AMPD3: variants seen among roughly 807,000 people sequenced by gnomAD.
AMPD3 encodes the protein AMP deaminase 3.
AMPD3 carries 57 observed loss-of-function variants against 82.3 expected under a neutral mutation model. The ratio of observed to expected loss-of-function variants is 0.69; its 90% CI spans 0.56 to 0.86. AMPD3 has a LOEUF of 0.86. AMPD3 is among the 40% of genes least tolerant of loss of function. The pLI is 0.00. For missense variants in AMPD3, 870 were observed against 1,003.8 expected, an observed-to-expected ratio of 0.87 and a Z score of 1.80; for synonymous variants, 381 against 394.7, an observed-to-expected ratio of 0.97 and a Z score of 0.41.
chr11:10,493,029 C>G (rs149413257), intron 6 of AMPD3, among the ~76,000 whole-genome samples: 2 of 152,286 alleles, frequency 1.3e-5, no homozygotes, highest in Non-Finnish European at 2.9e-5. Flanking sequence ...CCTTGAATCT[C>G]AGGCCAAGGT....
chr11:10,504,373 T>A, intron 13 of AMPD3, 176 bp from the exon 14 acceptor site: 3 of 464,146 alleles, frequency 6.5e-6, no homozygotes, highest in Non-Finnish European at 8.5e-6. Flanking sequence ...TGATAACCCA[T>A]GATTTTACAG....
chr11:10,496,659 G>A (rs1849410263), intron 9 of AMPD3, 153 bp from the exon 10 acceptor site: 2 of 1,463,500 alleles, frequency 1.4e-6, no homozygotes, highest in Non-Finnish European at 1.9e-6. Context: ...GGGAGAGGAG[G>A]ACAGAGGAGG....
chr11:10,472,293 G>A (rs756937538), intron 2 of AMPD3, among the ~76,000 whole-genome samples: 1 of 152,058 alleles, frequency 6.6e-6, no homozygotes, highest in South Asian at 2.1e-4. Flanking sequence ...GGGCCTGTTG[G>A]GGGGTGAGGG....
At chr11:10,486,791 G>A (rs367719009) in intron 5 of AMPD3, 3 of 985,200 alleles carry the variant, frequency 3.0e-6, no homozygotes, top group South Asian at 4.7e-5. Flanking sequence ...AAGTGGCTGA[G>A]GATAGAAAAG....
At chr11:10,451,954 C>T (rs373850157), upstream of AMPD3, among the ~76,000 whole-genome samples, 1 of 152,172 alleles carries the variant, frequency 6.6e-6, no homozygotes, top group African/African-American at 2.4e-5. Flanking sequence ...GTGTTGACAG[C>T]AGGTCTGGGG....
rs2133808151 is a variant in AMPD3, at chr11:10,456,092, C to G, written c.-6+644C>G. ...GTGAGGGCTGTGAAGAGGGCCAGGA[C>G]ACTGCATTCAGGATACCACAGCCAT... On this transcript the variant is annotated intron_variant, in intron 1 of 14. Coordinates refer to ENST00000396553, the MANE Select transcript of AMPD3 (RefSeq NM_001025389.2). The surrounding 1 kb of genome is among the most constrained non-coding windows in gnomAD (Gnocchi z 4.3). 1 of 1,246,520 alleles carries G rather than the reference C, an allele frequency of 8.0e-7. No individual in the cohort carries two copies. The highest frequency in any genetic ancestry group is 3.8e-5 in the East Asian group (1 of 26,214). The allele number at this position is 1,246,520 out of a possible 1,614,324, so 77.2% of individuals were successfully genotyped here. A position where few individuals can be genotyped will look rare whatever the true frequency, so the allele number is the denominator to read the frequency against.
chr11:10,480,930 C>T (rs1848886157), intron 3 of AMPD3, among the ~76,000 whole-genome samples: 1 of 152,126 alleles, frequency 6.6e-6, no homozygotes, highest in Admixed American at 6.5e-5. Flanking sequence ...TCTGCGATTC[C>T]CATCCTTCCC....
chr11:10,481,761 C>G (rs1848913729), intron 3 of AMPD3: 1 of 437,454 alleles, frequency 2.3e-6, no homozygotes, highest in South Asian at 2.1e-5. Flanking sequence ...GTGTTGTTTA[C>G]CAGGGAAGCT....
chr11:10,481,857 A>G (rs910362129), intron 3 of AMPD3: 2 of 638,774 alleles, frequency 3.1e-6, no homozygotes, highest in Non-Finnish European at 5.6e-6. Flanking sequence ...CCAGAAGGAA[A>G]GCAGGTGTCC....
chr11:10,504,409 TG>T, intron 13 of AMPD3, 139 bp from the exon 14 acceptor site: 1 of 1,025,234 alleles, frequency 9.8e-7, no homozygotes, highest in Non-Finnish European at 1.5e-6. Context: ...GCTTTGAAGG[TG>T]TGATGTTTGA....
intron 14 of AMPD3, 48 bp downstream of exon 14, chr11:10,504,707 T>A (rs1251966746): frequency 4.5e-6 from 7 of 1,546,456 alleles, no homozygotes; most frequent in Admixed American, 1.7e-5. Flanking sequence ...GAAGGCTGCC[T>A]GCTGTGTGCC....
At chr11:10,479,370 T>C (rs902811692) in intron 3 of AMPD3, among the ~76,000 whole-genome samples, 4 of 152,228 alleles carry the variant, frequency 2.6e-5, no homozygotes, top group African/African-American at 9.6e-5. Context: ...TCCATCTCCC[T>C]GGCCCCAACT....
At chr11:10,502,519 T>C in intron 12 of AMPD3, 1 of 985,410 alleles carries the variant, frequency 1.0e-6, no homozygotes, top group Non-Finnish European at 1.2e-6. Context: ...TGGCATGCAA[T>C]GTAGGAATGA....
At chr11:10,489,020 A>G (rs1849162550) in intron 6 of AMPD3, among the ~76,000 whole-genome samples, 1 of 152,132 alleles carries the variant, frequency 6.6e-6, no homozygotes. Flanking sequence ...AAGAAGTGAG[A>G]GTTTGGCTTC....
chr11:10,504,555 C>T lies in AMPD3; in HGVS notation c.2023C>T (p.Leu675Phe). 6.2e-7 allele frequency: 1 copy of T among 1,614,122 alleles called. No homozygotes were observed. The highest frequency in any genetic ancestry group is 8.5e-7 in the Non-Finnish European group (1 of 1,179,982). Reference protein sequence around the residue: ...PMQFHYTKEALMEEYAIAAQV... With the variant: ...PMQFHYTKEAFMEEYAIAAQV... ...GCTTTGGGGGAGGATCTAGGAAGCA[C>T]TTATGGAAGAATATGCCATTGCAGC... The change falls in exon 14 of 15, where the codon CTT (leucine) becomes TTT (phenylalanine). Residue 675 changes from leucine to phenylalanine, a missense_variant. Coordinates refer to ENST00000396553, the MANE Select transcript of AMPD3 (RefSeq NM_001025389.2).
rs562390493 is a variant in AMPD3, at chr11:10,488,592, G to A, written c.939+1228G>A. On this transcript the variant is annotated intron_variant, in intron 6 of 14. Coordinates refer to ENST00000396553, the MANE Select transcript of AMPD3 (RefSeq NM_001025389.2). ...GAGAGTAAGGCTGCAGAGATGTGGG[G>A]AGGTCCTGGATCATGCAGGGGCTGT... Among the ~76,000 whole-genome samples, 5 of 152,318 alleles carry A rather than the reference G, an allele frequency of 3.3e-5. 1 individual carries two copies. Among genetic ancestry groups the A allele is most frequent in the Admixed American group, 6.5e-5 (1 of 15,304 alleles).
At chr11:10,505,253 T>C (rs1002133250) in intron 14 of AMPD3, 2 of 984,684 alleles carry the variant, frequency 2.0e-6, no homozygotes, top group Non-Finnish European at 2.4e-6. Flanking sequence ...TGGGAAGAGG[T>C]TGCATTAGGG....
intron 1 of AMPD3, chr11:10,461,092 A>C: frequency 8.5e-7 from 1 of 1,180,990 alleles, no homozygotes; most frequent in Non-Finnish European, 1.1e-6. Context: ...GCCTCTGTGA[A>C]GTGGGGGAGT....
chr11:10,476,756 C>T (rs557460835), intron 2 of AMPD3, among the ~76,000 whole-genome samples: 3 of 152,256 alleles, frequency 2.0e-5, no homozygotes, highest in Non-Finnish European at 2.9e-5. Flanking sequence ...AAAGGGAGAA[C>T]CTCATCCTCA....
Sources: allele counts gnomAD v4.1 joint callset (sites outside exome capture counted in the v4.1 genomes callset), GRCh38; gene constraint gnomAD v4.1.1; non-coding constraint Gnocchi (gnomAD v3.1); transcripts MANE v1.5; gene names NCBI Gene and HGNC (gene_info 2026-07-23, HGNC 2026-07-21).